The following MGAM variants were observed in gnomAD, a reference collection of about 807,000 sequenced individuals.
MGAM encodes the protein alpha-1,4-glucosidase.
A neutral mutation model predicts 358.8 loss-of-function variants in MGAM; 253 were observed. The observed-to-expected ratio is 0.71, with a 90% CI of 0.64 to 0.78. The LOEUF (loss-of-function observed/expected upper bound fraction) is 0.78, where lower values mean the gene tolerates loss of function less well. MGAM is among the 30% of genes least tolerant of loss of function. MGAM has a pLI of 0.00. For synonymous variants in MGAM, 1,105 were observed against 1,227.1 expected (o/e 0.90, Z 2.08); for missense variants, 3,080 against 3,432.6 (o/e 0.90, Z 2.57).
intron 48 of MGAM, 107 bp from the exon 49 acceptor site, chr7:142,078,701 T>G: frequency 8.4e-7 from 1 of 1,193,798 alleles, no homozygotes; most frequent in Non-Finnish European, 1.2e-6. Context: ...TGATAAGTGA[T>G]AGGCTGGTTT....
At chr7:142,060,037 T>G in intron 33 of MGAM, 71 bp downstream of exon 33, 1 of 1,263,716 alleles carries the variant, frequency 7.9e-7, no homozygotes, top group South Asian at 1.4e-5. Flanking sequence ...TCACTGTTAG[T>G]GGGTCACACG....
At chr7:142,061,247 T>C (rs1380758848) in intron 34 of MGAM, among the ~76,000 whole-genome samples, 1 of 152,174 alleles carries the variant, frequency 6.6e-6, no homozygotes, top group East Asian at 1.9e-4. Context: ...CCGTATGGGA[T>C]AGAATTCTGA....
At position 142,079,579 on chromosome 7, in the gene MGAM, TCA is replaced by T. The variant is rs1181259872; in HGVS notation, c.5847+572_5847+573del. On this transcript the variant is annotated intron_variant, in intron 49 of 70. Transcript: ENST00000475668. ...AAATAGCCACCAACCTGCAGCGATT[TCA>T]TTTCTTTCCAGAATTTAATTGCATT... Among the ~76,000 whole-genome samples the T allele has an allele frequency of 1.1e-4, 16 of 146,138 alleles. 2 individuals are homozygous for T. The highest frequency in any genetic ancestry group is 3.6e-4 in the African/African-American group (15 of 41,098).
intron 7 of MGAM, among the ~76,000 whole-genome samples, chr7:142,023,917 C>G (rs1806705925): frequency 6.6e-6 from 1 of 152,086 alleles, no homozygotes; most frequent in Non-Finnish European, 1.5e-5. Context: ...CTTTCAGTCC[C>G]TTCTTCCATC....
chr7:142,088,112 G>A (rs1321880433), intron 57 of MGAM, among the ~76,000 whole-genome samples: 2 of 146,500 alleles, frequency 1.4e-5, no homozygotes, highest in South Asian at 4.4e-4. Flanking sequence ...AGCTCTGATA[G>A]GGTAGGGAGA....
intron 46 of MGAM, 96 bp from the exon 47 acceptor site, chr7:142,076,563 G>A: frequency 8.8e-7 from 1 of 1,133,102 alleles, no homozygotes; most frequent in Non-Finnish European, 1.3e-6. Flanking sequence ...CATGGCAGTG[G>A]GGGGTATCCA....
intron 1 of MGAM, among the ~76,000 whole-genome samples, chr7:142,000,734 T>C (rs782047221): frequency 4.6e-5 from 7 of 152,208 alleles, no homozygotes; most frequent in Non-Finnish European, 8.8e-5. Context: ...ATACATTGAT[T>C]CCCAAGTGTG....
Position 142,045,750 on chromosome 7 carries a change from A to G in MGAM, c.2499-2035A>G, listed in dbSNP as rs2129024671. Among the ~76,000 whole-genome samples the G allele has an allele frequency of 2.6e-5, 3 of 116,066 alleles. 1 individual carries two copies. In the South Asian group the frequency reaches 7.3e-4, roughly 28 times the overall value. The allele number at this position is 116,066 out of a possible 152,430, so 76.1% of individuals were successfully genotyped here. On this transcript the variant is annotated intron_variant, in intron 21 of 70. Transcript: ENST00000475668. ...CATACAATGTATGAATATATAATAT[A>G]TATCATATATACATACAATGTATGA...
At chr7:142,012,888 C>T (rs1805702595) in intron 3 of MGAM, among the ~76,000 whole-genome samples, 1 of 152,142 alleles carries the variant, frequency 6.6e-6, no homozygotes. Flanking sequence ...CTCTCTCCAG[C>T]AGGGTAGCTG....
rs560158573 is a variant in MGAM at position 142,056,977 on chromosome 7, C to T, written c.3693+35C>T. On this transcript the variant is annotated intron_variant, in intron 30 of 70. Transcript: ENST00000475668. ...AATCCAATTGTTTATCAAGTACTTA[C>T]ACAGCACATTCTGGGTGCCAGAGTC... 1.2e-4 allele frequency: 198 copies of T among 1,597,698 alleles called. 4 individuals carry two copies. In the South Asian group the frequency reaches 2.1e-3, roughly 17 times the overall value.
At chr7:142,102,492 A>ACC in intron 68 of MGAM, 138 bp from the exon 69 acceptor site, 2 of 814,128 alleles carry the variant, frequency 2.5e-6, no homozygotes, top group African/African-American at 1.7e-5. Context: ...AACACTCAAA[A>ACC]GACAGAAATA....
chr7:142,055,601 A>G lies in MGAM; in HGVS notation c.3358A>G (p.Ile1120Val). Residue 1120 changes from isoleucine (I) to valine (V), a missense_variant, in exon 28 of 71, where the codon ATC (isoleucine) becomes GTC (valine). Physicochemically the swap from Ile to Val is conservative, Grantham distance 29. This residue lies in a region of MGAM where 1,816 missense variants were observed against 1,840.5 expected (regional missense o/e 0.99). Transcript: ENST00000475668. ...LLGFTFSDMF[I>V]RISTRLPSKY... ...TGGCTTTACCTTCAGTGACATGTTT[A>G]TCCGCATCTCCACCCGCCTTCCCTC... is the stretch of plus-strand genomic sequence containing the variant. 6.2e-7 allele frequency: 1 copy of G among 1,613,858 alleles called. No individual in the cohort carries two copies. Among genetic ancestry groups the G allele is most frequent in the Non-Finnish European group, 8.5e-7 (1 of 1,179,852 alleles).
chr7:142,051,331 C>T (rs1313244520), intron 24 of MGAM, among the ~76,000 whole-genome samples: 1 of 152,020 alleles, frequency 6.6e-6, no homozygotes, highest in Non-Finnish European at 1.5e-5. Flanking sequence ...TGAATGAAGG[C>T]TGTGCTACTG....
rs563844845 is a variant in MGAM at position 142,058,610 on chromosome 7, G to A, written c.3819+282G>A. ...TGCTTCCTTCCATTTCTTTCACTTG[G>A]CTTCAAAACATGTAGTCAAAAAAGT... On this transcript the variant is annotated intron_variant, in intron 31 of 70. Coordinates refer to ENST00000475668, the MANE Select transcript of MGAM (RefSeq NM_001365693.1). 3.9e-5 allele frequency among the ~76,000 whole-genome samples: 6 copies of A among 152,234 alleles called. No homozygotes were observed. The South Asian group carries it at 1.2e-3, about 32-fold the overall frequency.
chr7:142,084,990 T>G (rs558600009), intron 54 of MGAM, among the ~76,000 whole-genome samples: 10 of 146,704 alleles, frequency 6.8e-5, no homozygotes, highest in African/African-American at 2.4e-4. Context: ...ACAGTTCTTT[T>G]ACTTAATTCC....
intron 8 of MGAM, among the ~76,000 whole-genome samples, 195 bp from the exon 9 acceptor site, chr7:142,026,920 A>C (rs906451953): frequency 6.6e-6 from 1 of 152,164 alleles, no homozygotes; most frequent in Non-Finnish European, 1.5e-5. Context: ...TGTCACAGAA[A>C]AAATGCCTTG....
At position 142,093,586 on chromosome 7, in the gene MGAM, C is replaced by G; in HGVS notation, c.7172+36C>G. 5 of 1,483,488 alleles carry G rather than the reference C, an allele frequency of 3.4e-6. 1 individual carries two copies. The highest frequency in any genetic ancestry group is 1.4e-5 in the African/African-American group (1 of 72,756). 91.9% of individuals were successfully genotyped at this position (1,483,488 alleles called of 1,614,324 possible). A position where few individuals can be genotyped will look rare whatever the true frequency, so the allele number is the denominator to read the frequency against. ...GTCTCCCTTCTCCAGCTGTCACAAC[C>G]TGTAGGGATTGCCAGTGACTGACAT... On this transcript the variant is annotated intron_variant, in intron 60 of 70. Coordinates refer to ENST00000475668, the MANE Select transcript of MGAM (RefSeq NM_001365693.1).
At chr7:142,044,300 C>G (rs1302187278) in intron 21 of MGAM, among the ~76,000 whole-genome samples, 1 of 42,588 alleles carries the variant, frequency 2.3e-5, no homozygotes, top group African/African-American at 4.3e-5. Context: ...ATAATATATA[C>G]TATATATAAT....
intron 24 of MGAM, among the ~76,000 whole-genome samples, chr7:142,051,476 T>G (rs1260396115): frequency 6.6e-6 from 1 of 152,062 alleles, no homozygotes; most frequent in Non-Finnish European, 1.5e-5. Flanking sequence ...TCCAGACAAG[T>G]GAGAACTTTA....
Sources: allele counts gnomAD v4.1 joint callset (sites outside exome capture counted in the v4.1 genomes callset), GRCh38; gene constraint gnomAD v4.1.1; regional missense constraint gnomAD v4.1.1; transcripts MANE v1.5; gene names NCBI Gene and HGNC (gene_info 2026-07-23, HGNC 2026-07-21).